Variants in C3orf33 observed in about 807,000 individuals in gnomAD.
C3orf33 encodes the protein mitochondrial inner membrane subdomain organizer 1.
Under a neutral mutation model 28.7 loss-of-function variants are expected in C3orf33, and 23 were observed. The observed-to-expected ratio is 0.80, with a 90% CI of 0.58 to 1.13. The LOEUF (loss-of-function observed/expected upper bound fraction) is 1.13. Ranked by LOEUF, C3orf33 falls within the 50% of genes most tolerant of loss-of-function variation. The pLI is 0.00. For missense variants in C3orf33, 327 were observed against 353.4 expected, an observed-to-expected ratio of 0.93 and a Z score of 0.60; for synonymous variants, 119 against 120.5, an observed-to-expected ratio of 0.99 and a Z score of 0.08.
chr3:155,780,756 G>A (rs1750894096), intron 2 of C3orf33, among the ~76,000 whole-genome samples: 1 of 152,176 alleles, frequency 6.6e-6, no homozygotes, highest in Non-Finnish European at 1.5e-5. Context: ...GTGGCTATGT[G>A]ACAGAGGATG....
rs559710813 is a variant in C3orf33, at chr3:155,775,623, T to A, written c.322+78A>T. ...GAGTTATTAGGAATTAAAATGACTT[T>A]TTTTTGCTATTTTATAAATAACTTC... On this transcript the variant is annotated intron_variant, in intron 3 of 4. Coordinates refer to ENST00000340171, the MANE Select transcript of C3orf33 (RefSeq NM_001308229.2). 2.0e-4 allele frequency: 210 copies of A among 1,032,984 alleles called. 2 individuals are homozygous for A. The highest frequency in any genetic ancestry group is 1.6e-3 in the Middle Eastern group (5 of 3,034). The allele number at this position is 1,032,984 out of a possible 1,614,324, so 64.0% of individuals were successfully genotyped here. A position where few individuals can be genotyped will look rare whatever the true frequency, so the allele number is the denominator to read the frequency against.
In C3orf33 at chr3:155,762,981, G is replaced by A. The variant is rs1750280026; in HGVS notation, c.*536C>T. Reference sequence around the variant, plus strand: ...AGTTTGAGACCAGCCTGACCAACATGGAGAAACCCCGTCTCTACTAAAAAT... The same window carrying A: ...AGTTTGAGACCAGCCTGACCAACATAGAGAAACCCCGTCTCTACTAAAAAT... On this transcript the variant is annotated 3_prime_UTR_variant, in exon 5 of 5. Coordinates refer to ENST00000340171, the MANE Select transcript of C3orf33 (RefSeq NM_001308229.2). 1 of 152,164 alleles carries A rather than the reference G, an allele frequency of 6.6e-6. No individual in the cohort carries two copies. Among genetic ancestry groups the A allele is most frequent in the Admixed American group, 6.6e-5 (1 of 15,256 alleles). 9.4% of individuals were successfully genotyped at this position (152,164 alleles called of 1,614,324 possible).
intron 2 of C3orf33, among the ~76,000 whole-genome samples, chr3:155,794,421 A>G (rs959346115): frequency 6.6e-6 from 1 of 152,152 alleles, no homozygotes; most frequent in Non-Finnish European, 1.5e-5. Flanking sequence ...CTGAAACATC[A>G]CAAGAGAAAA....
At chr3:155,784,616 T>A (rs1025957818) in intron 2 of C3orf33, among the ~76,000 whole-genome samples, 1 of 151,914 alleles carries the variant, frequency 6.6e-6, no homozygotes, top group East Asian at 1.9e-4. Context: ...AGTGAGTACC[T>A]GTAATCCCAG....
intron 1 of C3orf33, among the ~76,000 whole-genome samples, chr3:155,803,210 ACTCT>A (rs147969487): frequency 0.075 from 11,327 of 151,954 alleles, 1,131 homozygotes; most frequent in African/African-American, 0.23. Context: ...GAATCCTGCA[ACTCT>A]CTCAAAAAGA....
At chr3:155,767,232 CAG>C (rs926644970) in intron 4 of C3orf33, among the ~76,000 whole-genome samples, 1 of 152,066 alleles carries the variant, frequency 6.6e-6, no homozygotes, top group East Asian at 1.9e-4. Flanking sequence ...AGCCTGGCAA[CAG>C]AGAGAGACTC....
At chr3:155,767,437 A>C in intron 4 of C3orf33, 72 bp downstream of exon 4, 1 of 1,183,610 alleles carries the variant, frequency 8.4e-7, no homozygotes, top group East Asian at 2.8e-5. Context: ...CCAAAGTTCT[A>C]ATTAAATAAG....
At chr3:155,805,889 C>T (rs984162293) in intron 1 of C3orf33, among the ~76,000 whole-genome samples, 1 of 152,172 alleles carries the variant, frequency 6.6e-6, no homozygotes, top group African/African-American at 2.4e-5. Flanking sequence ...GAGGTGCCCC[C>T]TACAGCCCAG....
intron 2 of C3orf33, among the ~76,000 whole-genome samples, chr3:155,777,372 A>G (rs1211368680): frequency 6.6e-6 from 1 of 152,128 alleles, no homozygotes; most frequent in Non-Finnish European, 1.5e-5. Context: ...CAGACTGGGT[A>G]TTAGATGATT....
chr3:155,774,212 C>A (rs762349224), intron 3 of C3orf33, among the ~76,000 whole-genome samples: 6 of 152,158 alleles, frequency 3.9e-5, no homozygotes, highest in African/African-American at 9.7e-5. Flanking sequence ...AAACTCCTTG[C>A]CCATCAGGGG....
chr3:155,777,112 G>C, intron 2 of C3orf33, among the ~76,000 whole-genome samples: 1 of 152,072 alleles, frequency 6.6e-6, no homozygotes, highest in East Asian at 1.9e-4. Context: ...GAGGTCAGGA[G>C]TTCGAGACCA....
At chr3:155,804,809 T>A in intron 1 of C3orf33, among the ~76,000 whole-genome samples, 1 of 152,200 alleles carries the variant, frequency 6.6e-6, no homozygotes, top group East Asian at 1.9e-4. Flanking sequence ...ATGCAGGTCA[T>A]TCCCAATGTT....
intron 3 of C3orf33, among the ~76,000 whole-genome samples, chr3:155,770,731 C>A (rs1364942712): frequency 6.6e-6 from 1 of 150,902 alleles, no homozygotes; most frequent in African/African-American, 2.4e-5. Context: ...TGCAATGGTG[C>A]AATCTTGGCT....
At chr3:155,769,855 A>T (rs139179427) in intron 3 of C3orf33, among the ~76,000 whole-genome samples, 2 of 152,350 alleles carry the variant, frequency 1.3e-5, no homozygotes, top group East Asian at 3.9e-4. Context: ...GAGTGGATAG[A>T]GAGCCTCTCT....
At chr3:155,798,986 A>C (rs907834764) in intron 2 of C3orf33, among the ~76,000 whole-genome samples, 7 of 152,252 alleles carry the variant, frequency 4.6e-5, no homozygotes, top group African/African-American at 1.7e-4. Flanking sequence ...ATTTCTCAAA[A>C]GAAGACATAC....
intron 4 of C3orf33, 50 bp from the exon 5 acceptor site, chr3:155,763,968 T>C (rs751861179): frequency 8.1e-7 from 1 of 1,240,490 alleles, no homozygotes. Context: ...ATTGTTGTTA[T>C]ACCCATCACA....
At chr3:155,798,818 C>T (rs1751556897) in intron 2 of C3orf33, among the ~76,000 whole-genome samples, 1 of 152,040 alleles carries the variant, frequency 6.6e-6, no homozygotes, top group Non-Finnish European at 1.5e-5. Flanking sequence ...GAAACGATTA[C>T]CAAAGTGAAG....
At chr3:155,798,133 T>C (rs1427855072) in intron 2 of C3orf33, among the ~76,000 whole-genome samples, 1 of 149,936 alleles carries the variant, frequency 6.7e-6, no homozygotes, top group African/African-American at 2.4e-5. Flanking sequence ...GTACAAACAA[T>C]GAGAAAATTT....
At chr3:155,768,644 G>C (rs930826766) in intron 3 of C3orf33, among the ~76,000 whole-genome samples, 1 of 152,092 alleles carries the variant, frequency 6.6e-6, no homozygotes. Flanking sequence ...CATACATTAA[G>C]CTCTTACATA....
Sources: gnomAD v4.1 joint callset for allele counts (sites outside exome capture counted in the v4.1 genomes callset) on GRCh38, gnomAD v4.1.1 for gene constraint, MANE v1.5 for transcripts, NCBI Gene and HGNC (gene_info 2026-07-23, HGNC 2026-07-21) for gene names.